The following RIMKLB variants were observed in gnomAD, a reference collection of about 807,000 sequenced individuals.
The protein encoded by RIMKLB is beta-citrylglutamate synthase B.
Under a neutral mutation model 32.0 loss-of-function variants are expected in RIMKLB, and 7 were observed. The observed-to-expected ratio is 0.22, with a 90% CI of 0.12 to 0.41. The LOEUF (loss-of-function observed/expected upper bound fraction) is 0.41, where lower values mean the gene tolerates loss of function less well. Among genes scored for constraint, RIMKLB ranks in the 10% least tolerant of loss-of-function variants. The pLI is 1.00. For missense variants in RIMKLB, 289 were observed against 498.7 expected (o/e 0.58, Z 4.00); for synonymous variants, 172 against 185.1 (o/e 0.93, Z 0.57).
intron 1 of RIMKLB, among the ~76,000 whole-genome samples, chr12:8,702,494 C>CT (rs945834684): frequency 1.3e-5 from 2 of 152,050 alleles, no homozygotes; most frequent in African/African-American, 2.4e-5. Flanking sequence ...TCTTACATTT[C>CT]TTTTTTTTCC....
At chr12:8,756,753 G>A (rs1949072945) in intron 5 of RIMKLB, among the ~76,000 whole-genome samples, 1 of 134,148 alleles carries the variant, frequency 7.5e-6, no homozygotes, top group South Asian at 2.5e-4. Flanking sequence ...GTACGGTGGT[G>A]TGATCTCAGC....
At chr12:8,726,585 G>C (rs1354315778) in intron 2 of RIMKLB, among the ~76,000 whole-genome samples, 1 of 150,066 alleles carries the variant, frequency 6.7e-6, no homozygotes, top group Non-Finnish European at 1.5e-5. Context: ...CTATCCATTT[G>C]CTTTTTTATT....
chr12:8,711,341 A>C (rs937891194), intron 1 of RIMKLB, among the ~76,000 whole-genome samples: 1 of 151,430 alleles, frequency 6.6e-6, no homozygotes. Context: ...TGAGGCTGCA[A>C]TGGGCTATGA....
chr12:8,695,798 A>G (rs1461672412), upstream of RIMKLB, among the ~76,000 whole-genome samples: 1 of 150,870 alleles, frequency 6.6e-6, no homozygotes, highest in Non-Finnish European at 1.5e-5. Flanking sequence ...GGTTCAAGCG[A>G]TTCTCCTGCC....
At chr12:8,729,966 C>A (rs1946391070) in intron 2 of RIMKLB, among the ~76,000 whole-genome samples, 1 of 152,142 alleles carries the variant, frequency 6.6e-6, no homozygotes, top group African/African-American at 2.4e-5. Context: ...GACCTATTGG[C>A]TATTTGTATA....
upstream of RIMKLB, among the ~76,000 whole-genome samples, chr12:8,677,932 ATATTTATTTATTTATT>A (rs35415396): frequency 6.7e-6 from 1 of 148,342 alleles, no homozygotes; most frequent in Admixed American, 6.8e-5. Flanking sequence ...TATTTTTATT[ATATTTATTTATTTATT>A]TATTTATTTA....
intron 2 of RIMKLB, among the ~76,000 whole-genome samples, chr12:8,726,930 T>C (rs1178717242): frequency 6.6e-6 from 1 of 152,248 alleles, no homozygotes; most frequent in Non-Finnish European, 1.5e-5. Flanking sequence ...AATTGAGCAT[T>C]TTAATTCTGT....
chr12:8,730,930 G>A (rs933987445), intron 2 of RIMKLB, among the ~76,000 whole-genome samples: 2 of 151,936 alleles, frequency 1.3e-5, no homozygotes, highest in Non-Finnish European at 2.9e-5. Context: ...AGTAGAGATG[G>A]GGTTATGCCA....
In RIMKLB at chr12:8,774,790, CCTATGAGTT is replaced by C. The variant is rs1950630210; in HGVS notation, c.*1010_*1018del. On this transcript the variant is annotated 3_prime_UTR_variant, in exon 6 of 6. Coordinates refer to ENST00000535829, the MANE Select transcript of RIMKLB (RefSeq NM_001297776.2). ...AATATTTTTGGGGGCAAATCAAGAGCCTATGAGTTCTAAGTATAAAGCTGAAGTGATTTC... is the reference window on the plus strand; with the variant it reads ...AATATTTTTGGGGGCAAATCAAGAGCCTAAGTATAAAGCTGAAGTGATTTC... 1.0e-6 allele frequency: 1 copy of C among 985,292 alleles called. No homozygotes were observed. Among genetic ancestry groups the C allele is most frequent in the Admixed American group, 6.2e-5 (1 of 16,240 alleles). 61.0% of individuals were successfully genotyped at this position (985,292 alleles called of 1,614,324 possible). A position where few individuals can be genotyped will look rare whatever the true frequency, so the allele number is the denominator to read the frequency against.
chr12:8,709,256 G>A lies in RIMKLB; in HGVS notation c.-56-4555G>A, dbSNP rs750072568. On this transcript the variant is annotated intron_variant, in intron 1 of 5. Coordinates refer to ENST00000535829, the MANE Select transcript of RIMKLB (RefSeq NM_001297776.2). ...TTTTAAGATTCTGGATCATTAGCAGGACTGTCATTTTATTGGTGCACTTTT... is the reference window on the plus strand; with the variant it reads ...TTTTAAGATTCTGGATCATTAGCAGAACTGTCATTTTATTGGTGCACTTTT... Among the ~76,000 whole-genome samples, 4 of 152,292 alleles carry A rather than the reference G, an allele frequency of 2.6e-5. No individual in the cohort carries two copies. In the South Asian group the frequency reaches 8.3e-4, roughly 32 times the overall value.
At chr12:8,675,913 A>T in the RIMKLB span, among the ~76,000 whole-genome samples, 1 of 152,072 alleles carries the variant, frequency 6.6e-6, no homozygotes, top group African/African-American at 2.4e-5. Context: ...TTAAGAAGGC[A>T]GGAGGTTTTT....
upstream of RIMKLB, among the ~76,000 whole-genome samples, chr12:8,695,370 G>A (rs1244057521): frequency 6.6e-6 from 1 of 152,146 alleles, no homozygotes; most frequent in African/African-American, 2.4e-5. Flanking sequence ...TATCAACCAT[G>A]AATTCTCAAA....
rs577786939 is a variant in RIMKLB at position 8,707,467 on chromosome 12, C to T, written c.-56-6344C>T. The stretch of plus-strand genomic sequence containing the variant: ...TGCCCTTCCTGGGTGCGTCACCCTC[C>T]AGGATCTGCTACGTGTTCAGCTATC... On this transcript the variant is annotated intron_variant, in intron 1 of 5. Coordinates refer to ENST00000535829, the MANE Select transcript of RIMKLB (RefSeq NM_001297776.2). 1.1e-3 allele frequency among the ~76,000 whole-genome samples: 168 copies of T among 152,332 alleles called. 1 individual carries two copies. Among genetic ancestry groups the T allele is most frequent in the Admixed American group, 1.8e-3 (27 of 15,302 alleles).
intron 2 of RIMKLB, among the ~76,000 whole-genome samples, chr12:8,746,394 T>C (rs1305156345): frequency 1.3e-5 from 2 of 150,626 alleles, no homozygotes; most frequent in African/African-American, 4.9e-5. Flanking sequence ...AGGTCAGGAG[T>C]TTGAGACCAG....
the RIMKLB span, among the ~76,000 whole-genome samples, chr12:8,676,354 G>A: frequency 7.2e-6 from 1 of 139,454 alleles, no homozygotes; most frequent in Non-Finnish European, 1.5e-5. Context: ...GATTATAGGA[G>A]TGAGCCACTG....
intron 2 of RIMKLB, among the ~76,000 whole-genome samples, chr12:8,732,754 T>TAC (rs796544776): frequency 3.5e-5 from 5 of 144,746 alleles, no homozygotes; most frequent in African/African-American, 1.4e-4. Context: ...ATTATATATA[T>TAC]ATACACACAC....
At chr12:8,686,793 T>C (rs1447603647) in intron 1 of RIMKLB, among the ~76,000 whole-genome samples, 1 of 152,162 alleles carries the variant, frequency 6.6e-6, no homozygotes, top group Non-Finnish European at 1.5e-5. Context: ...CCACTGACTT[T>C]TAAAAAGTTA....
rs1429604382 is a variant in RIMKLB at position 8,713,849 on chromosome 12, A to C, written c.-18A>C. On this transcript the variant is annotated 5_prime_UTR_variant, in exon 2 of 6. Transcript: ENST00000535829. ...CCAAGAGGAAATAATCCAGGCAAGGAAGCACAAGCTGATCAAGATGTGTAG... is the reference window on the plus strand; with the variant it reads ...CCAAGAGGAAATAATCCAGGCAAGGCAGCACAAGCTGATCAAGATGTGTAG... The C allele has an allele frequency of 1.9e-6, 3 of 1,613,848 alleles. No individual in the cohort carries two copies. The South Asian group carries it at 3.3e-5, about 18-fold the overall frequency.
At chr12:8,746,400 A>T (rs906512954) in intron 2 of RIMKLB, among the ~76,000 whole-genome samples, 9 of 151,648 alleles carry the variant, frequency 5.9e-5, no homozygotes, top group Admixed American at 4.6e-4. Flanking sequence ...GGAGTTTGAG[A>T]CCAGCCTGGC....
Sources: gnomAD v4.1 joint callset for allele counts (sites outside exome capture counted in the v4.1 genomes callset) on GRCh38, gnomAD v4.1.1 for gene constraint, MANE v1.5 for transcripts, NCBI Gene and HGNC (gene_info 2026-07-23, HGNC 2026-07-21) for gene names.